Variants in TRHR observed in about 807,000 individuals in gnomAD.
TRHR encodes the protein thyrotropin-releasing hormone receptor.
A neutral mutation model predicts 28.0 loss-of-function variants in TRHR; 14 were observed. The ratio of observed to expected loss-of-function variants is 0.50; its 90% CI spans 0.33 to 0.78. TRHR has a LOEUF of 0.78. Among genes scored for constraint, TRHR ranks in the 30% least tolerant of loss-of-function variants. The pLI is 0.02. For synonymous variants in TRHR, 176 were observed against 171.9 expected (o/e 1.02, Z -0.18); for missense variants, 438 against 469.5 (o/e 0.93, Z 0.62).
intron 2 of TRHR, among the ~76,000 whole-genome samples, chr8:109,099,782 C>T (rs551487655): frequency 6.6e-6 from 1 of 152,258 alleles, no homozygotes; most frequent in East Asian, 1.9e-4. Flanking sequence ...GGCTATAATC[C>T]TTGGATAGAT....
intron 2 of TRHR, among the ~76,000 whole-genome samples, chr8:109,110,414 CTT>C (rs112716948): frequency 6.1e-5 from 9 of 148,526 alleles, no homozygotes; most frequent in African/African-American, 1.7e-4. Context: ...TCCTATGTCA[CTT>C]TTTTTTTTTC....
chr8:109,101,950 G>A (rs552864181), intron 2 of TRHR, among the ~76,000 whole-genome samples: 16 of 152,194 alleles, frequency 1.1e-4, no homozygotes, highest in African/African-American at 3.6e-4. Flanking sequence ...TATTCAGAGA[G>A]GGAAGAGGAA....
intron 2 of TRHR, among the ~76,000 whole-genome samples, chr8:109,106,870 C>A (rs1019204853): frequency 3.5e-4 from 53 of 152,016 alleles, no homozygotes; most frequent in African/African-American, 1.3e-3. Flanking sequence ...TTGCCCCTTG[C>A]AGGTAAAGGA....
At chr8:109,118,237 T>C (rs547790615) in intron 2 of TRHR, among the ~76,000 whole-genome samples, 1 of 152,072 alleles carries the variant, frequency 6.6e-6, no homozygotes, top group East Asian at 1.9e-4. Context: ...GTACAATACC[T>C]ATTTTAGGAG....
intron 2 of TRHR, among the ~76,000 whole-genome samples, chr8:109,105,170 T>C (rs563537368): frequency 6.6e-6 from 1 of 152,294 alleles, no homozygotes; most frequent in African/African-American, 2.4e-5. Flanking sequence ...ATTTATCCTG[T>C]GATTTTTAAA....
intron 2 of TRHR, among the ~76,000 whole-genome samples, chr8:109,092,803 TA>T (rs1811535764): frequency 6.6e-6 from 1 of 151,220 alleles, no homozygotes; most frequent in South Asian, 2.1e-4. Flanking sequence ...AATGATGCTA[TA>T]AAAGCAGTCA....
At chr8:109,111,630 C>T (rs78349493) in intron 2 of TRHR, among the ~76,000 whole-genome samples, 1,750 of 152,246 alleles carry the variant, frequency 0.011, 38 homozygotes, top group African/African-American at 0.041. Context: ...AATTCTAAAT[C>T]GATGCATAAC....
intron 2 of TRHR, among the ~76,000 whole-genome samples, chr8:109,107,050 A>G (rs1343943070): frequency 6.6e-6 from 1 of 152,160 alleles, no homozygotes; most frequent in East Asian, 1.9e-4. Context: ...CACTCTCCAG[A>G]ATTATTAATG....
intron 2 of TRHR, among the ~76,000 whole-genome samples, chr8:109,102,529 A>C (rs1350933455): frequency 2.0e-5 from 3 of 152,194 alleles, no homozygotes; most frequent in Non-Finnish European, 4.4e-5. Context: ...ATTAAAGAAG[A>C]AATGAATGAG....
Position 109,120,453 on chromosome 8 carries a change from C to T in TRHR, c.*998C>T, listed in dbSNP as rs1177436920. Among the ~76,000 whole-genome samples, 2 of 151,702 alleles carry T rather than the reference C, an allele frequency of 1.3e-5. No homozygotes were observed. Among genetic ancestry groups the T allele is most frequent in the Admixed American group, 6.6e-5 (1 of 15,200 alleles). On this transcript the variant is annotated 3_prime_UTR_variant, in exon 3 of 3. Transcript: ENST00000518632. ...GTTGTTATTCTAAGTCAGCCAAAAT[C>T]CTGGTATCCCTCTTCCAGATAAAGA... is the stretch of plus-strand genomic sequence containing the variant.
At chr8:109,094,087 G>A (rs931927891) in intron 2 of TRHR, among the ~76,000 whole-genome samples, 3 of 152,088 alleles carry the variant, frequency 2.0e-5, no homozygotes. Context: ...CTACATCTAA[G>A]AGAACCTTTA....
chr8:109,098,841 T>G (rs1811635247), intron 2 of TRHR, among the ~76,000 whole-genome samples: 1 of 152,164 alleles, frequency 6.6e-6, no homozygotes, highest in Non-Finnish European at 1.5e-5. Flanking sequence ...GGTTTGGTGT[T>G]TCTCCCTTCC....
At chr8:109,091,193 G>A (rs1811513146) in intron 2 of TRHR, among the ~76,000 whole-genome samples, 1 of 152,114 alleles carries the variant, frequency 6.6e-6, no homozygotes, top group African/African-American at 2.4e-5. Context: ...CCTCTATCAG[G>A]AGAATTTAAA....
rs1483804334 is a variant in TRHR at position 109,086,700 on chromosome 8, T to A, written c.-272T>A. The A allele has an allele frequency of 6.5e-6, 1 of 153,528 alleles. No individual in the cohort carries two copies. The highest frequency in any genetic ancestry group is 6.5e-5 in the Admixed American group (1 of 15,288). 9.5% of individuals were successfully genotyped at this position (153,528 alleles called of 1,614,324 possible). The stretch of plus-strand genomic sequence containing the variant: ...CTGCTGCTTCTGCTTCTGCCGCGGC[T>A]GTATGGTTTGTCATTAGTTGGAAAG... On this transcript the variant is annotated 5_prime_UTR_variant, in exon 1 of 3. Coordinates refer to ENST00000518632, the MANE Select transcript of TRHR (RefSeq NM_003301.7).
At chr8:109,097,120 T>C (rs576789406) in intron 2 of TRHR, among the ~76,000 whole-genome samples, 2 of 152,328 alleles carry the variant, frequency 1.3e-5, no homozygotes, top group Admixed American at 6.5e-5. Flanking sequence ...TTGACTTCAT[T>C]GTACAAGAAC....
chr8:109,118,318 C>T (rs1010965663), intron 2 of TRHR, among the ~76,000 whole-genome samples: 5 of 151,916 alleles, frequency 3.3e-5, no homozygotes, highest in Admixed American at 2.6e-4. Flanking sequence ...AGTCACTAAA[C>T]ATTCAATAAA....
intron 2 of TRHR, among the ~76,000 whole-genome samples, chr8:109,099,161 AGAG>A (rs1811640569): frequency 6.6e-6 from 1 of 152,192 alleles, no homozygotes; most frequent in Non-Finnish European, 1.5e-5. Flanking sequence ...AGAGACATCA[AGAG>A]GAGGAGTTTT....
chr8:109,119,843 G>A lies in TRHR; in HGVS notation c.*388G>A, dbSNP rs527279732. ...ACTTCCCTAATTTATTTATACATTC[G>A]ATAATTTGACAACATGCAGATTTTT... On this transcript the variant is annotated 3_prime_UTR_variant, in exon 3 of 3. Coordinates refer to ENST00000518632, the MANE Select transcript of TRHR (RefSeq NM_003301.7). 6.6e-6 allele frequency among the ~76,000 whole-genome samples: 1 copy of A among 151,750 alleles called. No individual in the cohort carries two copies. The highest frequency in any genetic ancestry group is 2.4e-5 in the African/African-American group (1 of 41,432).
chr8:109,092,881 C>A (rs1223840012), intron 2 of TRHR, among the ~76,000 whole-genome samples: 2 of 151,968 alleles, frequency 1.3e-5, no homozygotes, highest in Non-Finnish European at 2.9e-5. Context: ...CTGACCCCAC[C>A]TCTCAAAGAC....
Sources: gnomAD v4.1 joint callset for allele counts (sites outside exome capture counted in the v4.1 genomes callset) on GRCh38, gnomAD v4.1.1 for gene constraint, MANE v1.5 for transcripts, NCBI Gene and HGNC (gene_info 2026-07-23, HGNC 2026-07-21) for gene names.